Variants in RYR2 observed in about 807,000 individuals in gnomAD.
RYR2 encodes the protein cardiac muscle ryanodine receptor-calcium release channel.
A neutral mutation model predicts 601.1 loss-of-function variants in RYR2; 227 were observed. The observed-to-expected ratio is 0.38, with a 90% CI of 0.34 to 0.42. The LOEUF (loss-of-function observed/expected upper bound fraction) is 0.42. Ranked by LOEUF, RYR2 falls within the 10% of genes least tolerant of loss-of-function variation. RYR2 has a pLI of 1.00. For synonymous variants in RYR2, 2,223 were observed against 2,175.1 expected (o/e 1.02, Z -0.61); for missense variants, 4,646 against 6,156.5 (o/e 0.75, Z 8.21).
chr1:237,783,710 G>A lies in RYR2; in HGVS notation c.11998G>A (p.Val4000Met), dbSNP rs773760019. 2.5e-6 allele frequency: 4 copies of A among 1,609,118 alleles called. No individual in the cohort carries two copies. Residue 4000 changes from valine (V) to methionine (M), a missense_variant, in exon 90 of 105, where the codon GTG becomes ATG. By Grantham distance (21) the Val-to-Met change is conservative. This residue lies in a region of RYR2 where 90 missense variants were observed against 213.3 expected (regional missense o/e 0.42). Coordinates refer to ENST00000366574, the MANE Select transcript of RYR2 (RefSeq NM_001035.3). ...TAATGGAACGATTGGCAAACAGATG[G>A]TGGATATGCTTGTGGAATCTTCCAA... ...VVNGTIGKQM[V>M]DMLVESSNNV...
chr1:237,706,945 C>A lies in RYR2; in HGVS notation c.9581-4C>A. On this transcript the variant is annotated splice_region_variant and splice_polypyrimidine_tract_variant and intron_variant, in intron 67 of 104. Coordinates refer to ENST00000366574, the MANE Select transcript of RYR2 (RefSeq NM_001035.3). ...ATCATCCATTTTTATATGTACTTCT[C>A]CAGCTCTCAGTTTGCCAACTAATGT... The A allele has an allele frequency of 6.2e-7, 1 of 1,607,800 alleles. No individual in the cohort carries two copies. The highest frequency in any genetic ancestry group is 1.1e-5 in the South Asian group (1 of 90,824).
Position 237,569,057 on chromosome 1 carries a change from G to A in RYR2, c.3424-88G>A, listed in dbSNP as rs916355591. ...CTCCTACTGTTGTGTTGATAGAAGG[G>A]ACTGCTGTTAGGTCGTGACAGAGTG... On this transcript the variant is annotated intron_variant, in intron 28 of 104. Transcript: ENST00000366574. 4.2e-5 allele frequency: 48 copies of A among 1,145,812 alleles called. No homozygotes were observed. The East Asian group carries it at 7.6e-4, about 18-fold the overall frequency. 71.0% of individuals were successfully genotyped at this position (1,145,812 alleles called of 1,614,324 possible). A position where few individuals can be genotyped will look rare whatever the true frequency, so the allele number is the denominator to read the frequency against.
chr1:237,725,063 A>G (rs1690082933), intron 74 of RYR2, among the ~76,000 whole-genome samples: 1 of 152,164 alleles, frequency 6.6e-6, no homozygotes, highest in Non-Finnish European at 1.5e-5. Flanking sequence ...GAGGAAACAG[A>G]CACTTAAACA....
intron 1 of RYR2, among the ~76,000 whole-genome samples, chr1:237,087,021 T>C (rs932597219): frequency 1.3e-5 from 2 of 152,180 alleles, no homozygotes; most frequent in Non-Finnish European, 2.9e-5. Flanking sequence ...TCAGGCTGCA[T>C]AGAATATTTT....
intron 1 of RYR2, among the ~76,000 whole-genome samples, chr1:237,269,848 A>G (rs1334414346): frequency 6.6e-6 from 1 of 152,128 alleles, no homozygotes; most frequent in Non-Finnish European, 1.5e-5. Flanking sequence ...GTCTTTCCCC[A>G]TGTACAGTTT....
intron 1 of RYR2, among the ~76,000 whole-genome samples, chr1:237,221,517 A>G (rs1683798438): frequency 6.6e-6 from 1 of 152,228 alleles, no homozygotes; most frequent in African/African-American, 2.4e-5. Flanking sequence ...TTTATTTTAA[A>G]AAGAGAGGGA....
At chr1:237,586,717 T>A (rs1309628237) in intron 29 of RYR2, among the ~76,000 whole-genome samples, 1 of 151,954 alleles carries the variant, frequency 6.6e-6, no homozygotes, top group African/African-American at 2.4e-5. Flanking sequence ...TATAACAACT[T>A]CTTTTTTTTT....
chr1:237,687,902 T>G (rs921521069), intron 63 of RYR2, among the ~76,000 whole-genome samples: 1 of 152,210 alleles, frequency 6.6e-6, no homozygotes, highest in African/African-American at 2.4e-5. Flanking sequence ...CTTATTTTTT[T>G]TAATGCTCTT....
chr1:237,659,060 A>C (rs972296898), intron 54 of RYR2, among the ~76,000 whole-genome samples: 1 of 152,190 alleles, frequency 6.6e-6, no homozygotes, highest in African/African-American at 2.4e-5. Context: ...AAATACTTCT[A>C]TATTGGTTTG....
intron 10 of RYR2, among the ~76,000 whole-genome samples, chr1:237,393,724 T>C (rs977564578): frequency 1.3e-5 from 2 of 152,242 alleles, no homozygotes; most frequent in Admixed American, 1.3e-4. Context: ...AAAGGAGAGC[T>C]ACTTTCTGCT....
rs1285215334 is a variant in RYR2, at chr1:237,180,711, CAT to C, written c.49-89780_49-89779del. Among the ~76,000 whole-genome samples, 3 of 145,180 alleles carry C rather than the reference CAT, an allele frequency of 2.1e-5. No homozygotes were observed. The highest frequency in any genetic ancestry group is 1.4e-4 in the Admixed American group (2 of 14,434). On this transcript the variant is annotated intron_variant, in intron 1 of 104. Transcript: ENST00000366574. This position sits in a 1 kb window ranked among gnomAD's most constrained non-coding sequence, Gnocchi z 5.3. ...ATATGTATATATAAGTATATATACA[CAT>C]ATATACATATACATAGATATATGCT...
intron 24 of RYR2, among the ~76,000 whole-genome samples, chr1:237,516,174 G>A (rs1270856738): frequency 3.3e-5 from 5 of 151,996 alleles, no homozygotes; most frequent in Admixed American, 1.3e-4. Context: ...GCAGTTACGC[G>A]ATCTCAGCTC....
At chr1:237,352,034 T>G (rs10802606) in intron 3 of RYR2, among the ~76,000 whole-genome samples, 27,693 of 151,626 alleles carry the variant, frequency 0.18, 2,692 homozygotes, top group East Asian at 0.37. Flanking sequence ...CTTATTAAGA[T>G]AAAAAAATAT....
chr1:237,236,053 G>A lies in RYR2; in HGVS notation c.49-34444G>A, dbSNP rs182789371. Among the ~76,000 whole-genome samples the A allele has an allele frequency of 7.2e-5, 11 of 152,144 alleles. No individual in the cohort carries two copies. In the East Asian group the frequency reaches 1.2e-3, roughly 16 times the overall value. ...AGCACATACTTCTTTTCCACAGTAC[G>A]CAATCGTCCATGTATTTTTCAAAAC... On this transcript the variant is annotated intron_variant, in intron 1 of 104. Coordinates refer to ENST00000366574, the MANE Select transcript of RYR2 (RefSeq NM_001035.3).
At chr1:237,290,449 A>G (rs1692074296) in intron 2 of RYR2, among the ~76,000 whole-genome samples, 1 of 152,204 alleles carries the variant, frequency 6.6e-6, no homozygotes, top group African/African-American at 2.4e-5. Flanking sequence ...TGATGATTAG[A>G]TGATTGTAGA....
At position 237,424,056 on chromosome 1, in the gene RYR2, C is replaced by T. The variant is rs115215860; in HGVS notation, c.1005+808C>T. Among the ~76,000 whole-genome samples the T allele has an allele frequency of 1.2e-3, 177 of 152,226 alleles. 1 individual carries two copies. The highest frequency in any genetic ancestry group is 3.7e-3 in the African/African-American group (155 of 41,544). On this transcript the variant is annotated intron_variant, in intron 12 of 104. Transcript: ENST00000366574. ...AACCATCAGGTCTCACGAGAACTCACTCACTGTCAGGGGAACAGCATGGGG... is the reference window on the plus strand; with the variant it reads ...AACCATCAGGTCTCACGAGAACTCATTCACTGTCAGGGGAACAGCATGGGG...
chr1:237,264,091 GCACACA>G (rs34623856), intron 1 of RYR2, among the ~76,000 whole-genome samples: 4 of 147,512 alleles, frequency 2.7e-5, no homozygotes, highest in African/African-American at 7.5e-5. Flanking sequence ...ACATGCACAT[GCACACA>G]CACACACACA....
chr1:237,269,399 C>T (rs1689459948), intron 1 of RYR2, among the ~76,000 whole-genome samples: 1 of 152,020 alleles, frequency 6.6e-6, no homozygotes, highest in African/African-American at 2.4e-5. Flanking sequence ...TTGCCGTCTG[C>T]TTTTGAGTCT....
At chr1:237,747,474 C>A (rs1330628413) in intron 80 of RYR2, among the ~76,000 whole-genome samples, 2 of 152,136 alleles carry the variant, frequency 1.3e-5, no homozygotes, top group Non-Finnish European at 2.9e-5. Flanking sequence ...CAGCTCGTAT[C>A]CCACAGTATG....
Sources: allele counts gnomAD v4.1 joint callset (sites outside exome capture counted in the v4.1 genomes callset), GRCh38; gene constraint gnomAD v4.1.1; regional missense constraint gnomAD v4.1.1; non-coding constraint Gnocchi (gnomAD v3.1); transcripts MANE v1.5; gene names NCBI Gene and HGNC (gene_info 2026-07-23, HGNC 2026-07-21).